Variants in ZNF385D observed in about 807,000 individuals in gnomAD.
ZNF385D encodes the protein zinc finger protein 659.
Under a neutral mutation model 35.8 loss-of-function variants are expected in ZNF385D, and 15 were observed. The observed-to-expected ratio is 0.42, with a 90% CI of 0.28 to 0.64. The LOEUF (loss-of-function observed/expected upper bound fraction) is 0.64. ZNF385D is among the 30% of genes least tolerant of loss of function. The probability of loss-of-function intolerance (pLI) is 0.23; values close to 1 mark genes in which losing one functional copy is unlikely to be tolerated. For missense variants in ZNF385D, 474 were observed against 494.6 expected (o/e 0.96, Z 0.39); for synonymous variants, 212 against 186.8 (o/e 1.13, Z -1.10).
chr3:21,557,626 T>G (rs540123976), intron 3 of ZNF385D, among the ~76,000 whole-genome samples: 1 of 152,268 alleles, frequency 6.6e-6, no homozygotes, highest in Non-Finnish European at 1.5e-5. Flanking sequence ...AATTTTATTT[T>G]TTTGTCGTGT....
intron 3 of ZNF385D, among the ~76,000 whole-genome samples, chr3:22,112,690 T>C (rs185541449): frequency 6.6e-6 from 1 of 152,182 alleles, no homozygotes; most frequent in East Asian, 1.9e-4. Flanking sequence ...ACAAGGGTGA[T>C]ATAGGGAGAA....
chr3:21,932,941 G>T (rs1321196361), intron 3 of ZNF385D, among the ~76,000 whole-genome samples: 1 of 152,238 alleles, frequency 6.6e-6, no homozygotes, highest in South Asian at 2.1e-4. Flanking sequence ...TTGGCTACTG[G>T]GATAGGAGAT....
intron 3 of ZNF385D, among the ~76,000 whole-genome samples, chr3:22,131,011 T>C (rs146701203): frequency 2.1e-4 from 32 of 152,272 alleles, no homozygotes; most frequent in Admixed American, 2.0e-3. Flanking sequence ...TTGAGAATCA[T>C]GCATGCTTAG....
chr3:21,802,331 T>G (rs1034860521), intron 3 of ZNF385D, among the ~76,000 whole-genome samples: 1 of 152,174 alleles, frequency 6.6e-6, no homozygotes, highest in Non-Finnish European at 1.5e-5. Flanking sequence ...AATCCAAATA[T>G]CAAATGGATT....
chr3:21,558,750 CTCCCACTA>C (rs56327175), intron 3 of ZNF385D, among the ~76,000 whole-genome samples: 102,898 of 151,570 alleles, frequency 0.68, 35,710 homozygotes, highest in African/African-American at 0.84. Context: ...CTGTTAAAGT[CTCCCACTA>C]TTATTGTGTG....
rs143191373 is a variant in ZNF385D, at chr3:22,175,720, T to C, written c.107-6685A>G. ...TTAGAGAGTATTGCTTACATCTGTA[T>C]ATGCATATACATACTGTATATATGT... On this transcript the variant is annotated intron_variant, in intron 2 of 5. Coordinates refer to the ZNF385D transcript ENST00000494108. 2.5e-3 allele frequency among the ~76,000 whole-genome samples: 378 copies of C among 151,822 alleles called. 1 individual carries two copies. The highest frequency in any genetic ancestry group is 0.014 in the South Asian group (68 of 4,820).
At position 21,633,736 on chromosome 3, in the gene ZNF385D, G is replaced by A. The variant is rs139447214; in HGVS notation, c.165+31150C>T. Among the ~76,000 whole-genome samples, 619 of 152,058 alleles carry A rather than the reference G, an allele frequency of 4.1e-3. 6 individuals carry two copies. Among genetic ancestry groups the A allele is most frequent in the African/African-American group, 0.014 (584 of 41,506 alleles). On this transcript the variant is annotated intron_variant, in intron 2 of 7. Coordinates refer to ENST00000281523, the MANE Select transcript of ZNF385D (RefSeq NM_024697.3). ...ATTCTTGTAATGAATCTAGTAAACA[G>A]GAAAAAGTATAATAAAGAATAAAAC... is the stretch of plus-strand genomic sequence containing the variant.
At chr3:22,103,948 T>A (rs950375388) in intron 3 of ZNF385D, among the ~76,000 whole-genome samples, 1 of 152,020 alleles carries the variant, frequency 6.6e-6, no homozygotes, top group South Asian at 2.1e-4. Context: ...GGAAAATCAG[T>A]CTTGAGTTGT....
At chr3:22,181,856 T>C (rs1460994440) in intron 2 of ZNF385D, among the ~76,000 whole-genome samples, 2 of 152,196 alleles carry the variant, frequency 1.3e-5, no homozygotes, top group African/African-American at 2.4e-5. Context: ...ATTTCACTTC[T>C]ACAATTTGAA....
chr3:22,306,147 A>G (rs62247268), intron 2 of ZNF385D, among the ~76,000 whole-genome samples: 8,874 of 152,110 alleles, frequency 0.058, 385 homozygotes, highest in Non-Finnish European at 0.08. Context: ...TTCTGCTTGC[A>G]TAGTGATGGG....
At chr3:21,728,847 T>G (rs1316686155) in intron 1 of ZNF385D, among the ~76,000 whole-genome samples, 1 of 152,236 alleles carries the variant, frequency 6.6e-6, no homozygotes, top group Non-Finnish European at 1.5e-5. Context: ...ACATTTTGTA[T>G]ACTTCATGTA....
At chr3:22,025,240 T>G (rs149764910) in intron 3 of ZNF385D, among the ~76,000 whole-genome samples, 1 of 152,150 alleles carries the variant, frequency 6.6e-6, no homozygotes, top group South Asian at 2.1e-4. Flanking sequence ...GGACATAAAC[T>G]ATGCACTGCC....
chr3:22,208,778 C>T (rs1166335007), intron 2 of ZNF385D, among the ~76,000 whole-genome samples: 1 of 151,658 alleles, frequency 6.6e-6, no homozygotes, highest in Non-Finnish European at 1.5e-5. Context: ...AATGTGTTAT[C>T]AGCCATGTGA....
At chr3:21,427,244 T>A (rs1395503654) in intron 5 of ZNF385D, among the ~76,000 whole-genome samples, 1 of 152,236 alleles carries the variant, frequency 6.6e-6, no homozygotes, top group African/African-American at 2.4e-5. Context: ...TAAATGATTA[T>A]GAAAACTTCT....
intron 2 of ZNF385D, among the ~76,000 whole-genome samples, chr3:21,609,389 A>G (rs2064599660): frequency 6.6e-6 from 1 of 152,234 alleles, no homozygotes; most frequent in African/African-American, 2.4e-5. Context: ...TCTAGAGTCA[A>G]TTTATGCTTC....
chr3:21,865,639 T>C lies in ZNF385D; in HGVS notation c.326-200611A>G, dbSNP rs532497514. ...TTTGGGAGAGCAGAGAGCTGAACAC[T>C]GCTGGGTAATCTGTTAAATTAGGTG... On this transcript the variant is annotated intron_variant, in intron 3 of 5. Transcript: ENST00000494108. Among the ~76,000 whole-genome samples, 9 of 152,248 alleles carry C rather than the reference T, an allele frequency of 5.9e-5. No homozygotes were observed. In the South Asian group the frequency reaches 1.9e-3, roughly 32 times the overall value.
At chr3:21,937,404 T>A (rs944461417) in intron 3 of ZNF385D, among the ~76,000 whole-genome samples, 3 of 152,130 alleles carry the variant, frequency 2.0e-5, no homozygotes, top group African/African-American at 7.2e-5. Context: ...CCACTGTAAT[T>A]GAGTTCACCT....
intron 2 of ZNF385D, among the ~76,000 whole-genome samples, chr3:22,178,498 T>C (rs1389302560): frequency 1.3e-5 from 2 of 152,178 alleles, no homozygotes; most frequent in African/African-American, 4.8e-5. Flanking sequence ...GTCAGATGAG[T>C]AGATTGCAAA....
intron 3 of ZNF385D, among the ~76,000 whole-genome samples, chr3:22,088,734 G>C (rs996806852): frequency 3.3e-5 from 5 of 152,070 alleles, no homozygotes; most frequent in African/African-American, 1.2e-4. Flanking sequence ...CAAAGCAAAA[G>C]ATTCCCAAGA....
Sources: allele counts gnomAD v4.1 joint callset (sites outside exome capture counted in the v4.1 genomes callset), GRCh38; gene constraint gnomAD v4.1.1; transcripts MANE v1.5; gene names NCBI Gene and HGNC (gene_info 2026-07-23, HGNC 2026-07-21).